The following UBE3C variants were observed in gnomAD, a reference collection of about 807,000 sequenced individuals.
UBE3C encodes ubiquitin-protein ligase E3C.
A neutral mutation model predicts 129.4 loss-of-function variants in UBE3C; 42 were observed. The ratio of observed to expected loss-of-function variants is 0.32; its 90% CI spans 0.25 to 0.42. The LOEUF (loss-of-function observed/expected upper bound fraction) is 0.42, where lower values mean the gene tolerates loss of function less well. Among genes scored for constraint, UBE3C ranks in the 10% least tolerant of loss-of-function variants. The pLI, the probability that UBE3C is intolerant of heterozygous loss-of-function variation, is 1.00. For synonymous variants in UBE3C, 510 were observed against 492.4 expected (o/e 1.04, Z -0.47); for missense variants, 1,049 against 1,319.1 (o/e 0.80, Z 3.17).
intron 17 of UBE3C, among the ~76,000 whole-genome samples, chr7:157,227,944 AGC>A (rs1795924426): frequency 6.6e-6 from 1 of 152,228 alleles, no homozygotes; most frequent in Non-Finnish European, 1.5e-5. Flanking sequence ...AAATACTGTA[AGC>A]ATGATTAAGC....
At chr7:157,139,452 A>C in intron 1 of UBE3C, 114 bp downstream of exon 1, 1 of 946,870 alleles carries the variant, frequency 1.1e-6, no homozygotes, top group South Asian at 2.8e-5. Flanking sequence ...TTGGGGCTGG[A>C]TTCGGGGCCT....
chr7:157,189,834 C>T (rs1412062099), intron 10 of UBE3C, among the ~76,000 whole-genome samples: 2 of 151,702 alleles, frequency 1.3e-5, no homozygotes, highest in African/African-American at 2.4e-5. Context: ...AGTCTCTTGC[C>T]TTGTCGCCCA....
Position 157,139,093 on chromosome 7 carries a change from C to T in UBE3C, c.-180C>T, listed in dbSNP as rs1414147741. On this transcript the variant is annotated 5_prime_UTR_variant, in exon 1 of 23. Coordinates refer to ENST00000348165, the MANE Select transcript of UBE3C (RefSeq NM_014671.3). ...CCCTCCAGTATTGCCGCCCCTCCCG[C>T]CCCAGGGCAGGGCTGGGAGGGTACA... The T allele has an allele frequency of 5.5e-6, 1 of 180,342 alleles. No individual in the cohort carries two copies. Among genetic ancestry groups the T allele is most frequent in the African/African-American group, 2.4e-5 (1 of 41,976 alleles). The allele number at this position is 180,342 out of a possible 1,614,324, so 11.2% of individuals were successfully genotyped here. A position where few individuals can be genotyped will look rare whatever the true frequency, so the allele number is the denominator to read the frequency against.
intron 14 of UBE3C, among the ~76,000 whole-genome samples, chr7:157,217,605 C>T (rs115954306): frequency 3.4e-4 from 52 of 151,768 alleles, no homozygotes; most frequent in African/African-American, 1.1e-3. Flanking sequence ...GGGAAGCCGA[C>T]GGGCAGATCA....
At chr7:157,253,601 T>C (rs545638139) in intron 19 of UBE3C, among the ~76,000 whole-genome samples, 4 of 152,264 alleles carry the variant, frequency 2.6e-5, no homozygotes, top group African/African-American at 9.6e-5. Context: ...GCTTTTTCTC[T>C]TCTGACTTAA....
intron 18 of UBE3C, among the ~76,000 whole-genome samples, chr7:157,242,851 T>C (rs2116666423): frequency 6.6e-6 from 1 of 152,102 alleles, no homozygotes; most frequent in South Asian, 2.1e-4. Flanking sequence ...GGTCAGGAGT[T>C]CTAGACCAGC....
intron 1 of UBE3C, among the ~76,000 whole-genome samples, chr7:157,156,849 AT>A (rs1807924067): frequency 6.6e-6 from 1 of 152,108 alleles, no homozygotes. Context: ...GAGCTATATG[AT>A]ATTCCATGTA....
At chr7:157,233,344 G>A (rs1796071579) in intron 18 of UBE3C, among the ~76,000 whole-genome samples, 1 of 152,162 alleles carries the variant, frequency 6.6e-6, no homozygotes. Flanking sequence ...AGGCTGGAGT[G>A]CACTGCTACA....
intron 9 of UBE3C, among the ~76,000 whole-genome samples, chr7:157,185,214 G>T (rs1007986374): frequency 1.3e-5 from 2 of 152,234 alleles, no homozygotes; most frequent in Non-Finnish European, 2.9e-5. Flanking sequence ...GTTTTTCCTC[G>T]CTGTGGGTGT....
intron 10 of UBE3C, chr7:157,192,411 T>A: frequency 1.4e-6 from 1 of 715,228 alleles, no homozygotes; most frequent in South Asian, 1.4e-5. Flanking sequence ...ACCATCACCC[T>A]CAAGGTTGAA....
chr7:157,142,252 A>T (rs1807474735), intron 1 of UBE3C, among the ~76,000 whole-genome samples: 1 of 152,238 alleles, frequency 6.6e-6, no homozygotes, highest in Non-Finnish European at 1.5e-5. Flanking sequence ...TTATTATTTG[A>T]AATCTTCCCT....
intron 9 of UBE3C, among the ~76,000 whole-genome samples, chr7:157,185,111 GA>G (rs1336111248): frequency 1.3e-5 from 2 of 152,220 alleles, no homozygotes; most frequent in Non-Finnish European, 2.9e-5. Context: ...ACCTCCCATA[GA>G]ATTTGTGAAA....
chr7:157,213,268 T>G (rs1809648304), intron 13 of UBE3C, among the ~76,000 whole-genome samples: 1 of 152,256 alleles, frequency 6.6e-6, no homozygotes, highest in African/African-American at 2.4e-5. Flanking sequence ...TTCCAGTGTT[T>G]GCTATCTTAC....
intron 17 of UBE3C, among the ~76,000 whole-genome samples, chr7:157,227,987 A>G (rs563942109): frequency 2.0e-5 from 3 of 152,350 alleles, no homozygotes; most frequent in Admixed American, 6.5e-5. Flanking sequence ...TTTGCTACGC[A>G]AATTAGTAAA....
chr7:157,214,882 C>G (rs1434357209), intron 13 of UBE3C, among the ~76,000 whole-genome samples: 1 of 152,186 alleles, frequency 6.6e-6, no homozygotes, highest in Non-Finnish European at 1.5e-5. Flanking sequence ...TAATGAGGCT[C>G]TCCCCAGGCT....
rs1245582386 is a variant in UBE3C, at chr7:157,208,032, CAG to C, written c.1809+99_1809+100del. The C allele has an allele frequency of 2.3e-3, 424 of 185,862 alleles. 3 individuals are homozygous for C. Among genetic ancestry groups the C allele is most frequent in the Non-Finnish European group, 2.1e-4 (22 of 105,630 alleles). The allele number at this position is 185,862 out of a possible 1,614,324, so 11.5% of individuals were successfully genotyped here. ...GAGGAATAAAAATGCAGGTTTGTTT[CAG>C]ACATGTTTTAATTTGCAAGACTTTT... On this transcript the variant is annotated intron_variant, in intron 13 of 22. Coordinates refer to ENST00000348165, the MANE Select transcript of UBE3C (RefSeq NM_014671.3).
In UBE3C at chr7:157,211,719, A is replaced by G. The variant is rs1809601059; in HGVS notation, c.1809+3784A>G. Among the ~76,000 whole-genome samples the G allele has an allele frequency of 2.6e-5, 4 of 152,062 alleles. No individual in the cohort carries two copies. In the South Asian group the frequency reaches 6.2e-4, roughly 24 times the overall value. ...ATACCAGATACTTCATGACTTTCAT[A>G]GGTTAGAGTGTTTTATTCTCAGTTA... On this transcript the variant is annotated intron_variant, in intron 13 of 22. Transcript: ENST00000348165.
intron 18 of UBE3C, among the ~76,000 whole-genome samples, chr7:157,233,152 A>G (rs779864931): frequency 5.9e-5 from 9 of 152,022 alleles, no homozygotes; most frequent in Non-Finnish European, 1.3e-4. Context: ...TGTTATATCA[A>G]CTATAAATTT....
intron 22 of UBE3C, among the ~76,000 whole-genome samples, chr7:157,265,623 T>C (rs1156466845): frequency 2.6e-5 from 4 of 152,196 alleles, no homozygotes; most frequent in Non-Finnish European, 5.9e-5. Context: ...AGCCTCACCA[T>C]TAATAGGCAA....
Sources: allele counts gnomAD v4.1 joint callset (sites outside exome capture counted in the v4.1 genomes callset), GRCh38; gene constraint gnomAD v4.1.1; transcripts MANE v1.5; gene names NCBI Gene and HGNC (gene_info 2026-07-23, HGNC 2026-07-21).